SFMBT2: variants seen among roughly 807,000 people sequenced by gnomAD.
SFMBT2 encodes scm-like with four MBT domains protein 2.
Under a neutral mutation model 110.1 loss-of-function variants are expected in SFMBT2, and 38 were observed. The ratio of observed to expected loss-of-function variants is 0.35; its 90% CI spans 0.27 to 0.45. The LOEUF (loss-of-function observed/expected upper bound fraction) is 0.45. Ranked by LOEUF, SFMBT2 falls within the 20% of genes least tolerant of loss-of-function variation. SFMBT2 has a pLI of 1.00. For missense variants in SFMBT2, 1,011 were observed against 1,094.9 expected (o/e 0.92, Z 1.08); for synonymous variants, 425 against 425.4 (o/e 1.00, Z 0.01).
chr10:7,303,688 A>G (rs1842616892), intron 4 of SFMBT2, among the ~76,000 whole-genome samples: 1 of 152,208 alleles, frequency 6.6e-6, no homozygotes, highest in Non-Finnish European at 1.5e-5. Context: ...ATTTAAAACC[A>G]GTCCGAAATG....
chr10:7,172,019 C>A lies in SFMBT2; in HGVS notation c.2291G>T (p.Arg764Leu), dbSNP rs374113293. The A allele has an allele frequency of 6.3e-7, 1 of 1,581,410 alleles. No homozygotes were observed. Among genetic ancestry groups the A allele is most frequent in the Non-Finnish European group, 8.6e-7 (1 of 1,165,744 alleles). ...SARPRRAVTL[R>L]SGSEPVRRPP... ...CCGGCGCACGGGCTCTGAGCCGCTC[C>A]GCAGGGTGACGGCCCTCCGGGGCCG... The change falls in exon 19 of 21, where the codon CGG (arginine) becomes CTG (leucine). Residue 764 changes from arginine (R) to leucine (L), a missense_variant. Coordinates refer to ENST00000397167, the MANE Select transcript of SFMBT2 (RefSeq NM_001387889.1). The surrounding 1 kb of genome is among the most constrained non-coding windows in gnomAD (Gnocchi z 4.6).
At chr10:7,273,475 G>A (rs1205822944) in intron 7 of SFMBT2, among the ~76,000 whole-genome samples, 1 of 152,130 alleles carries the variant, frequency 6.6e-6, no homozygotes, top group Non-Finnish European at 1.5e-5. Flanking sequence ...TTTTTTTAAT[G>A]TATTTTTTTA....
At chr10:7,381,121 G>C (rs1199321681) in intron 2 of SFMBT2, among the ~76,000 whole-genome samples, 1 of 148,196 alleles carries the variant, frequency 6.7e-6, no homozygotes, top group Non-Finnish European at 1.5e-5. Context: ...ACATACATTT[G>C]AATCGAAGGC....
intron 13 of SFMBT2, among the ~76,000 whole-genome samples, chr10:7,201,211 G>A (rs1448782668): frequency 6.6e-6 from 1 of 152,214 alleles, no homozygotes; most frequent in African/African-American, 2.4e-5. Flanking sequence ...GGTTCTCCAA[G>A]AGGGGTCCCC....
At chr10:7,242,387 G>A (rs1374250709) in intron 9 of SFMBT2, among the ~76,000 whole-genome samples, 2 of 152,174 alleles carry the variant, frequency 1.3e-5, no homozygotes, top group South Asian at 2.1e-4. Flanking sequence ...CAGGACCCAA[G>A]CTCTGCCTGG....
At chr10:7,273,255 T>C (rs1841657643) in intron 7 of SFMBT2, among the ~76,000 whole-genome samples, 1 of 152,236 alleles carries the variant, frequency 6.6e-6, no homozygotes, top group Admixed American at 6.5e-5. Flanking sequence ...ACGGACACAA[T>C]GCCAAAGTCA....
intron 11 of SFMBT2, among the ~76,000 whole-genome samples, chr10:7,218,013 C>G (rs1198991944): frequency 6.6e-6 from 1 of 152,162 alleles, no homozygotes; most frequent in East Asian, 1.9e-4. Context: ...AAGAATGAAT[C>G]AACTTCAAGA....
chr10:7,190,412 C>A (rs1414850103), intron 15 of SFMBT2, among the ~76,000 whole-genome samples: 1 of 152,184 alleles, frequency 6.6e-6, no homozygotes, highest in Non-Finnish European at 1.5e-5. Flanking sequence ...TATCGAGATG[C>A]ATTTTGTGAC....
chr10:7,342,563 C>T (rs186477768), intron 4 of SFMBT2, among the ~76,000 whole-genome samples: 8 of 152,100 alleles, frequency 5.3e-5, no homozygotes, highest in Admixed American at 1.3e-4. Context: ...CACCCGCCAC[C>T]GCGCCCAGCT....
intron 10 of SFMBT2, among the ~76,000 whole-genome samples, chr10:7,220,786 T>A (rs536222873): frequency 1.4e-4 from 21 of 151,936 alleles, no homozygotes; most frequent in Middle Eastern, 3.4e-3. Context: ...AGTGAGAGTA[T>A]GAATTCATTC....
intron 7 of SFMBT2, among the ~76,000 whole-genome samples, chr10:7,256,327 C>T (rs1254761434): frequency 6.6e-6 from 1 of 152,224 alleles, no homozygotes; most frequent in Non-Finnish European, 1.5e-5. Context: ...CAACCTACAA[C>T]CTACTTAAAG....
intron 9 of SFMBT2, among the ~76,000 whole-genome samples, chr10:7,242,126 G>GCGAAGGA (rs1161580593): frequency 6.6e-6 from 1 of 152,162 alleles, no homozygotes; most frequent in African/African-American, 2.4e-5. Context: ...TTCCACAGCA[G>GCGAAGGA]CGAAGGACTT....
At position 7,201,275 on chromosome 10, in the gene SFMBT2, G is replaced by GC. The variant is rs1330859449; in HGVS notation, c.1488-792dup. On this transcript the variant is annotated intron_variant, in intron 13 of 20. Transcript: ENST00000397167. ...ACTTGTTAGAAATGCAGATTCTTGG[G>GC]CCCCATCTCGGACATTCTGAATCAG... is the stretch of plus-strand genomic sequence containing the variant. Among the ~76,000 whole-genome samples the GC allele has an allele frequency of 2.0e-5, 3 of 152,328 alleles. No individual in the cohort carries two copies. The East Asian group carries it at 5.8e-4, about 29-fold the overall frequency.
intron 4 of SFMBT2, among the ~76,000 whole-genome samples, chr10:7,299,217 A>G (rs1842490634): frequency 6.6e-6 from 1 of 152,216 alleles, no homozygotes; most frequent in Non-Finnish European, 1.5e-5. Context: ...AATTGCAACG[A>G]AAGCCAAAAT....
intron 9 of SFMBT2, among the ~76,000 whole-genome samples, chr10:7,238,730 G>C (rs1180765507): frequency 6.6e-6 from 1 of 152,136 alleles, no homozygotes; most frequent in Admixed American, 6.5e-5. Context: ...AAATTTAAAG[G>C]CTGAACATTT....
intron 11 of SFMBT2, among the ~76,000 whole-genome samples, chr10:7,213,533 T>C (rs1839426046): frequency 6.6e-6 from 1 of 152,184 alleles, no homozygotes; most frequent in African/African-American, 2.4e-5. Context: ...GGCTTCCGAC[T>C]TGGGTGAATA....
At chr10:7,305,237 T>G (rs1450708872) in intron 4 of SFMBT2, among the ~76,000 whole-genome samples, 2 of 152,230 alleles carry the variant, frequency 1.3e-5, no homozygotes, top group African/African-American at 4.8e-5. Flanking sequence ...TCTTTCCACG[T>G]GCAAAGTACT....
intron 7 of SFMBT2, among the ~76,000 whole-genome samples, chr10:7,261,855 G>A (rs977155669): frequency 1.3e-5 from 2 of 152,244 alleles, no homozygotes; most frequent in African/African-American, 4.8e-5. Flanking sequence ...TTGACTTTAT[G>A]TCATTGAGAC....
chr10:7,286,689 G>C (rs1023997895), intron 4 of SFMBT2, among the ~76,000 whole-genome samples: 3 of 152,156 alleles, frequency 2.0e-5, no homozygotes, highest in African/African-American at 2.4e-5. Context: ...CATAGGTTAT[G>C]TGTGAACTAT....
Sources: gnomAD v4.1 joint callset for allele counts (sites outside exome capture counted in the v4.1 genomes callset) on GRCh38, gnomAD v4.1.1 for gene constraint, Gnocchi (gnomAD v3.1) non-coding constraint, MANE v1.5 for transcripts, NCBI Gene and HGNC (gene_info 2026-07-23, HGNC 2026-07-21) for gene names.